Variants in PCDH15 observed in about 807,000 individuals in gnomAD.
PCDH15 encodes protocadherin related 15.
Under a neutral mutation model 178.5 loss-of-function variants are expected in PCDH15, and 129 were observed. The observed-to-expected ratio is 0.72, with a 90% CI of 0.63 to 0.84. The LOEUF is 0.84. PCDH15 is among the 40% of genes least tolerant of loss of function. PCDH15 has a pLI of 0.00. For missense variants in PCDH15, 2,230 were observed against 2,099.9 expected (o/e 1.06, Z -1.21); for synonymous variants, 800 against 732.0 (o/e 1.09, Z -1.50).
intron 2 of PCDH15, among the ~76,000 whole-genome samples, chr10:54,651,216 T>G (rs576273318): frequency 1.5e-4 from 23 of 151,952 alleles, no homozygotes; most frequent in Non-Finnish European, 2.5e-4. Flanking sequence ...TAAAACAATA[T>G]AGACAGAAGG....
chr10:53,960,552 A>G lies in PCDH15; in HGVS notation c.3010-708T>C, dbSNP rs73232320. On this transcript the variant is annotated intron_variant, in intron 22 of 37. Transcript: ENST00000644397. ...AATTGATTATTTTCTTTAATAACCT[A>G]CATTACATCAAAGTAATTCTATGTT... 5.1e-3 allele frequency among the ~76,000 whole-genome samples: 782 copies of G among 152,346 alleles called. 7 individuals are homozygous for G. The highest frequency in any genetic ancestry group is 0.018 in the African/African-American group (731 of 41,582).
intron 2 of PCDH15, among the ~76,000 whole-genome samples, chr10:55,478,543 G>A (rs1840108061): frequency 1.3e-5 from 2 of 151,292 alleles, no homozygotes; most frequent in South Asian, 2.1e-4. Context: ...CTACATGAAA[G>A]AAGTAGAAAG....
chr10:54,324,877 T>C (rs987180855), intron 7 of PCDH15, among the ~76,000 whole-genome samples: 1 of 152,062 alleles, frequency 6.6e-6, no homozygotes, highest in African/African-American at 2.4e-5. Flanking sequence ...ATAACAATAA[T>C]ATAAAAGAGA....
chr10:54,579,423 C>T (rs1171324521), intron 2 of PCDH15, among the ~76,000 whole-genome samples: 2 of 152,056 alleles, frequency 1.3e-5, no homozygotes. Flanking sequence ...AAGGGTTCAA[C>T]TCAACAAGTA....
chr10:54,158,625 T>A lies in PCDH15; in HGVS notation c.1591-5332A>T, dbSNP rs575063810. 4.5e-3 allele frequency among the ~76,000 whole-genome samples: 688 copies of A among 152,232 alleles called. 10 individuals are homozygous for A. Among genetic ancestry groups the A allele is most frequent in the African/African-American group, 0.015 (641 of 41,530 alleles). On this transcript the variant is annotated intron_variant, in intron 13 of 37. Coordinates refer to ENST00000644397, the MANE Select transcript of PCDH15 (RefSeq NM_001384140.1). ...TCTTTCCTGGTTCTGATAAAAAAAA[T>A]ACAGCTTGATATAAAAGGACAAATA...
chr10:55,324,188 C>T (rs1050582606), upstream of PCDH15, among the ~76,000 whole-genome samples: 1 of 152,092 alleles, frequency 6.6e-6, no homozygotes, highest in African/African-American at 2.4e-5. Flanking sequence ...ATTTCCTTTA[C>T]AAGTTACCCA....
chr10:54,930,119 C>T (rs1837734367), intron 2 of PCDH15, among the ~76,000 whole-genome samples: 1 of 152,168 alleles, frequency 6.6e-6, no homozygotes, highest in African/African-American at 2.4e-5. Flanking sequence ...CATGACATCT[C>T]CATCTTTCCT....
chr10:54,174,977 A>G (rs1384736967), intron 13 of PCDH15, among the ~76,000 whole-genome samples: 1 of 151,996 alleles, frequency 6.6e-6, no homozygotes, highest in African/African-American at 2.4e-5. Context: ...TCTAATACAA[A>G]TAGGTTTAGC....
chr10:54,242,144 A>G (rs1337209088), intron 8 of PCDH15, among the ~76,000 whole-genome samples: 8 of 51,640 alleles, frequency 1.5e-4, no homozygotes, highest in African/African-American at 9.5e-4. Flanking sequence ...ATATATATAT[A>G]TATATATATA....
chr10:54,626,073 T>C (rs778381820), intron 2 of PCDH15, among the ~76,000 whole-genome samples: 1 of 152,136 alleles, frequency 6.6e-6, no homozygotes, highest in Non-Finnish European at 1.5e-5. Context: ...TGTGGAACTT[T>C]GAACTTGAGA....
At position 53,805,206 on chromosome 10, in the gene PCDH15, T is replaced by G. The variant is rs533557906; in HGVS notation, c.*1373A>C. ...ATTATTCAGTCCTTCAACCATATAT[T>G]AAGCATGCATGAGGAAATTTCATTA... is the stretch of plus-strand genomic sequence containing the variant. On this transcript the variant is annotated 3_prime_UTR_variant, in exon 38 of 38. Transcript: ENST00000644397. 38 of 152,156 alleles carry G rather than the reference T, an allele frequency of 2.5e-4. 2 individuals carry two copies. The South Asian group carries it at 7.9e-3, about 32-fold the overall frequency. The allele number at this position is 152,156 out of a possible 1,614,324, so 9.4% of individuals were successfully genotyped here. A position where few individuals can be genotyped will look rare whatever the true frequency, so the allele number is the denominator to read the frequency against.
chr10:54,103,400 C>A (rs1157020500), intron 15 of PCDH15, among the ~76,000 whole-genome samples: 1 of 152,174 alleles, frequency 6.6e-6, no homozygotes, highest in Non-Finnish European at 1.5e-5. Flanking sequence ...TTGGCCCATG[C>A]CACCTTGGGA....
chr10:54,536,382 ATT>A (rs3070741), intron 2 of PCDH15, among the ~76,000 whole-genome samples: 33,377 of 149,032 alleles, frequency 0.22, 4,539 homozygotes, highest in African/African-American at 0.38. Context: ...AATGACTGTC[ATT>A]TTTTTTTTTA....
intron 2 of PCDH15, among the ~76,000 whole-genome samples, chr10:55,470,609 T>C (rs780217221): frequency 3.9e-5 from 6 of 152,160 alleles, no homozygotes; most frequent in Admixed American, 1.3e-4. Context: ...TGTCAACATC[T>C]CTTTGTTGAG....
chr10:54,283,752 C>T (rs1442242843), intron 8 of PCDH15, among the ~76,000 whole-genome samples: 1 of 152,094 alleles, frequency 6.6e-6, no homozygotes, highest in East Asian at 1.9e-4. Flanking sequence ...AAGCAATGAG[C>T]CTCGCTTGAT....
At chr10:54,136,192 TAGGATACAAGAATCTACAATTTTC>T (rs2042886360) in intron 14 of PCDH15, among the ~76,000 whole-genome samples, 1 of 152,142 alleles carries the variant, frequency 6.6e-6, no homozygotes, top group Non-Finnish European at 1.5e-5. Flanking sequence ...ATCTTTAGGG[TAGGATACAAGAATCTACAATTTTC>T]ACAAATTTCC....
At chr10:55,177,800 C>A (rs1261317931) in intron 1 of PCDH15, among the ~76,000 whole-genome samples, 2 of 152,152 alleles carry the variant, frequency 1.3e-5, no homozygotes, top group African/African-American at 4.8e-5. Flanking sequence ...TAGTACAAAT[C>A]TATGCAGCCA....
intron 5 of PCDH15, among the ~76,000 whole-genome samples, chr10:54,362,550 C>T (rs1369179276): frequency 1.3e-5 from 2 of 151,970 alleles, no homozygotes; most frequent in African/African-American, 4.8e-5. Context: ...TTTAAAATTT[C>T]ATGTTATTAA....
chr10:55,369,607 C>T (rs993731329), intron 2 of PCDH15, among the ~76,000 whole-genome samples: 3 of 151,920 alleles, frequency 2.0e-5, no homozygotes, highest in Non-Finnish European at 4.4e-5. Flanking sequence ...ACAGAATATC[C>T]TATAATTCCT....
Sources: allele counts gnomAD v4.1 joint callset (sites outside exome capture counted in the v4.1 genomes callset), GRCh38; gene constraint gnomAD v4.1.1; transcripts MANE v1.5; gene names NCBI Gene and HGNC (gene_info 2026-07-23, HGNC 2026-07-21).